The following QTMAN variants were observed in gnomAD, a reference collection of about 807,000 sequenced individuals.
The protein encoded by QTMAN is queuosine-tRNA mannosyltransferase.
chr2:144,016,499 T>C, the QTMAN span, among the ~76,000 whole-genome samples: 3 of 152,186 alleles, frequency 2.0e-5, no homozygotes, highest in African/African-American at 4.8e-5. Context: ...ACATTTGCTC[T>C]TTCTGTGTAA....
the QTMAN span, among the ~76,000 whole-genome samples, chr2:144,042,699 G>A: frequency 6.6e-6 from 1 of 150,572 alleles, no homozygotes; most frequent in South Asian, 2.1e-4. Context: ...GGAAGGCGGA[G>A]CTTGCAGTGA....
chr2:144,221,970 G>A, the QTMAN span, among the ~76,000 whole-genome samples: 56 of 152,246 alleles, frequency 3.7e-4, 1 homozygote, highest in East Asian at 9.6e-4. Flanking sequence ...ATCTGAGGCT[G>A]TACTTTGACA....
the QTMAN span, among the ~76,000 whole-genome samples, chr2:144,260,258 A>G: frequency 6.6e-6 from 1 of 152,212 alleles, no homozygotes; most frequent in South Asian, 2.1e-4. Context: ...TATTTAAACA[A>G]AAATAGTATG....
chr2:143,982,203 T>C, the QTMAN span, among the ~76,000 whole-genome samples: 1 of 152,014 alleles, frequency 6.6e-6, no homozygotes, highest in Non-Finnish European at 1.5e-5. Context: ...CTAGTGAGTA[T>C]CGAACAATTT....
the QTMAN span, among the ~76,000 whole-genome samples, chr2:144,080,579 C>A: frequency 6.6e-6 from 1 of 152,066 alleles, no homozygotes; most frequent in South Asian, 2.1e-4. Flanking sequence ...CAAAATAGAA[C>A]AATCAAAGCC....
chr2:143,944,049 G>C, the QTMAN span: 1 of 152,044 alleles, frequency 6.6e-6, no homozygotes, highest in Admixed American at 6.5e-5. Context: ...AAAAAAAGAG[G>C]AAGACTAAGT....
the QTMAN span, among the ~76,000 whole-genome samples, chr2:144,113,129 G>A: frequency 6.6e-6 from 1 of 152,114 alleles, no homozygotes; most frequent in Non-Finnish European, 1.5e-5. Context: ...ATCGACAGAT[G>A]CCAACTAAGA....
the QTMAN span, among the ~76,000 whole-genome samples, chr2:143,998,433 AG>A: frequency 4.2e-4 from 64 of 150,606 alleles, no homozygotes; most frequent in Middle Eastern, 6.8e-3. Flanking sequence ...AGACGACAGA[AG>A]GGGGGGGAAA....
chr2:144,084,738 C>T, the QTMAN span, among the ~76,000 whole-genome samples: 1 of 150,772 alleles, frequency 6.6e-6, no homozygotes, highest in Non-Finnish European at 1.5e-5. Flanking sequence ...ACAAGAAAAG[C>T]AAACATAAAG....
the QTMAN span, among the ~76,000 whole-genome samples, chr2:143,964,393 C>A: frequency 4.9e-4 from 74 of 152,240 alleles, no homozygotes; most frequent in East Asian, 0.011. Flanking sequence ...AACTTCATCT[C>A]AATGTATTTA....
chr2:144,030,042 T>C, the QTMAN span, among the ~76,000 whole-genome samples: 1 of 152,198 alleles, frequency 6.6e-6, no homozygotes, highest in African/African-American at 2.4e-5. Context: ...ATTCCATGAA[T>C]ATATTTTGTA....
the QTMAN span, among the ~76,000 whole-genome samples, chr2:144,269,187 T>C: frequency 2.0e-5 from 3 of 152,220 alleles, no homozygotes; most frequent in African/African-American, 4.8e-5. Flanking sequence ...TGATATTTGA[T>C]TTAAATAAGT....
At chr2:143,994,398 C>T in the QTMAN span, among the ~76,000 whole-genome samples, 1 of 152,188 alleles carries the variant, frequency 6.6e-6, no homozygotes, top group Admixed American at 6.5e-5. Context: ...ATCTAACCCC[C>T]CCAAAGTGAA....
chr2:144,247,710 A>G, the QTMAN span, among the ~76,000 whole-genome samples: 1 of 152,104 alleles, frequency 6.6e-6, no homozygotes, highest in African/African-American at 2.4e-5. Flanking sequence ...TCTCATTTTC[A>G]TATCCCAGGC....
chr2:144,176,167 C>A, the QTMAN span, among the ~76,000 whole-genome samples: 14 of 152,108 alleles, frequency 9.2e-5, no homozygotes, highest in African/African-American at 3.1e-4. Context: ...ACATCATAAA[C>A]AAGTTATCCT....
the QTMAN span, among the ~76,000 whole-genome samples, chr2:144,259,835 A>C: frequency 4.0e-5 from 6 of 151,860 alleles, no homozygotes; most frequent in African/African-American, 1.5e-4. Context: ...CTAAGTGACC[A>C]CACCTCTCAG....
At chr2:144,082,443 A>G in the QTMAN span, among the ~76,000 whole-genome samples, 1 of 152,166 alleles carries the variant, frequency 6.6e-6, no homozygotes, top group Non-Finnish European at 1.5e-5. Flanking sequence ...GAAGAACTGT[A>G]TTAAAATCAA....
At chr2:144,282,734 T>C in the QTMAN span, among the ~76,000 whole-genome samples, 1 of 152,116 alleles carries the variant, frequency 6.6e-6, no homozygotes, top group Admixed American at 6.6e-5. Context: ...TAGGAGCATC[T>C]TTTTTTCTAA....
the QTMAN span, among the ~76,000 whole-genome samples, chr2:144,173,025 GAC>G: frequency 6.6e-6 from 1 of 151,974 alleles, no homozygotes; most frequent in African/African-American, 2.4e-5. Flanking sequence ...ATTTTTGCTA[GAC>G]ACAGAATTCT....
Sources: gnomAD v4.1 joint callset for allele counts (sites outside exome capture counted in the v4.1 genomes callset) on GRCh38, gnomAD v4.1.1 for gene constraint, MANE v1.5 for transcripts, NCBI Gene and HGNC (gene_info 2026-07-23, HGNC 2026-07-21) for gene names.